STRIP2: variants seen among roughly 807,000 people sequenced by gnomAD.
STRIP2 encodes the protein striatin interacting protein 2, also known as striatin-interacting protein 2.
A neutral mutation model predicts 107.1 loss-of-function variants in STRIP2; 84 were observed. The observed-to-expected ratio is 0.78, with a 90% CI of 0.66 to 0.94. The LOEUF (loss-of-function observed/expected upper bound fraction) is 0.94, where lower values mean the gene tolerates loss of function less well. STRIP2 is among the 40% of genes least tolerant of loss of function. The pLI is 0.00. For missense variants in STRIP2, 888 were observed against 1,034.2 expected, an observed-to-expected ratio of 0.86 and a Z score of 1.94; for synonymous variants, 394 against 400.4, an observed-to-expected ratio of 0.98 and a Z score of 0.19.
chr7:129,456,676 C>A (rs776851632), intron 9 of STRIP2, 34 bp downstream of exon 9: 3 of 1,571,610 alleles, frequency 1.9e-6, no homozygotes, highest in Admixed American at 1.7e-5. Context: ...TATTGGGACA[C>A]CGACTGGCCA....
At position 129,451,723 on chromosome 7, in the gene STRIP2, C is replaced by T. The variant is rs753138026; in HGVS notation, c.385C>T (p.Arg129Trp). Residue 129 changes from arginine to tryptophan, a missense_variant, in exon 4 of 21, where the codon CGG (arginine) becomes TGG (tryptophan). By Grantham distance (101) the Arg-to-Trp change is moderately radical (BLOSUM62 -3). Coordinates refer to ENST00000249344, the MANE Select transcript of STRIP2 (RefSeq NM_020704.3). ...VSRERRLKVA[R>W]AVLYLAQGTF... ...TAGGGAACGGCGGCTGAAGGTGGCC[C>T]GGGCTGTTCTCTACCTGGCCCAAGG... The T allele has an allele frequency of 4.2e-5, 68 of 1,613,702 alleles. No homozygotes were observed. The highest frequency in any genetic ancestry group is 1.7e-4 in the Middle Eastern group (1 of 5,888).
chr7:129,440,110 A>G lies in STRIP2; in HGVS notation c.199+19A>G. On this transcript the variant is annotated intron_variant, in intron 2 of 20. Coordinates refer to ENST00000249344, the MANE Select transcript of STRIP2 (RefSeq NM_020704.3). ...TTGTCAGGTATGAGGTAGATGGGTCAGTAGCTAGTGGAAGAATGGCCAGGA... is the reference window on the plus strand; with the variant it reads ...TTGTCAGGTATGAGGTAGATGGGTCGGTAGCTAGTGGAAGAATGGCCAGGA... 6.2e-7 allele frequency: 1 copy of G among 1,609,462 alleles called. No individual in the cohort carries two copies. The highest frequency in any genetic ancestry group is 1.1e-5 in the South Asian group (1 of 90,984).
In STRIP2 at chr7:129,458,284, G is replaced by C. The variant is rs73721736; in HGVS notation, c.1108G>C (p.Ala370Pro). ...GGATCTCTTCAAGACTGAGGAGCCC[G>C]CCACAGAGGAGGAAGAGGAGTCTGC... ...ERDLFKTEEP[A>P]TEEEEESAGD... is the part of the protein sequence containing the mutation. Residue 370 changes from alanine to proline, a missense_variant, in exon 10 of 21, where the codon GCC becomes CCC. Ala to Pro is a conservative substitution (Grantham distance 27, BLOSUM62 -1). Coordinates refer to ENST00000249344, the MANE Select transcript of STRIP2 (RefSeq NM_020704.3). The surrounding 1 kb of genome is among the most constrained non-coding windows in gnomAD (Gnocchi z 4.6). 2 of 1,614,204 alleles carry C rather than the reference G, an allele frequency of 1.2e-6. No homozygotes were observed. The highest frequency in any genetic ancestry group is 2.2e-5 in the South Asian group (2 of 91,082).
At chr7:129,470,795 C>A in intron 18 of STRIP2, 80 bp downstream of exon 18, 1 of 1,120,500 alleles carries the variant, frequency 8.9e-7, no homozygotes, top group Non-Finnish European at 1.4e-6. Context: ...TCTTCTCCAA[C>A]CCCTTAATGC....
At chr7:129,463,834 C>T (rs1798604685) in intron 14 of STRIP2, among the ~76,000 whole-genome samples, 1 of 152,204 alleles carries the variant, frequency 6.6e-6, no homozygotes. Context: ...CCAATGCACT[C>T]CCTCTGGCTT....
Position 129,458,530 on chromosome 7 carries a change from C to A in STRIP2, c.1274+80C>A. The stretch of plus-strand genomic sequence containing the variant: ...CCCAAGATGGGGTAGTCTATGTATT[C>A]AAGGCTCGTTAAGTTGGTCTGGCAG... On this transcript the variant is annotated intron_variant, in intron 10 of 20. Transcript: ENST00000249344. This position sits in a 1 kb window ranked among gnomAD's most constrained non-coding sequence, Gnocchi z 4.6. 7.5e-7 allele frequency: 1 copy of A among 1,331,696 alleles called. No homozygotes were observed. The highest frequency in any genetic ancestry group is 1.0e-6 in the Non-Finnish European group (1 of 975,144). The allele number at this position is 1,331,696 out of a possible 1,614,324, so 82.5% of individuals were successfully genotyped here. A position where few individuals can be genotyped will look rare whatever the true frequency, so the allele number is the denominator to read the frequency against.
chr7:129,462,920 G>T, intron 13 of STRIP2, 46 bp from the exon 14 acceptor site: 1 of 1,555,586 alleles, frequency 6.4e-7, no homozygotes, highest in Non-Finnish European at 8.8e-7. Context: ...AAAGCCTTTG[G>T]TCACCTGGAA....
chr7:129,474,449 G>A (rs559849286), intron 18 of STRIP2, among the ~76,000 whole-genome samples: 2 of 152,300 alleles, frequency 1.3e-5, no homozygotes, highest in South Asian at 4.1e-4. Context: ...TTACAGGTGT[G>A]AGCCACAATG....
In STRIP2 at chr7:129,483,301, A is replaced by G; in HGVS notation, c.2254+255A>G. On this transcript the variant is annotated intron_variant, in intron 20 of 20. Coordinates refer to ENST00000249344, the MANE Select transcript of STRIP2 (RefSeq NM_020704.3). This position sits in a 1 kb window ranked among gnomAD's most constrained non-coding sequence, Gnocchi z 5.1. ...TTGAGAGATAATTAATTGCCTTTCC[A>G]AAACATTCTTTTAAATGACAGCTTT... 1 of 1,212,954 alleles carries G rather than the reference A, an allele frequency of 8.2e-7. No homozygotes were observed. Among genetic ancestry groups the G allele is most frequent in the South Asian group, 3.6e-5 (1 of 27,450 alleles). 75.1% of individuals were successfully genotyped at this position (1,212,954 alleles called of 1,614,324 possible).
At position 129,458,074 on chromosome 7, in the gene STRIP2, G is replaced by A; in HGVS notation, c.1039-141G>A. 2.7e-6 allele frequency: 2 copies of A among 731,474 alleles called. No individual in the cohort carries two copies. Among genetic ancestry groups the A allele is most frequent in the South Asian group, 3.0e-5 (2 of 66,568 alleles). The allele number at this position is 731,474 out of a possible 1,614,324, so 45.3% of individuals were successfully genotyped here. On this transcript the variant is annotated intron_variant, in intron 9 of 20. Transcript: ENST00000249344. This position sits in a 1 kb window ranked among gnomAD's most constrained non-coding sequence, Gnocchi z 4.6. ...CGGGTGGGGACAGTAGGTTAAGGTG[G>A]GGAATTGGATGTTTTCGCAAGGGCT...
At chr7:129,463,110 G>A in intron 14 of STRIP2, 70 bp downstream of exon 14, 2 of 1,309,652 alleles carry the variant, frequency 1.5e-6, no homozygotes, top group Admixed American at 3.9e-5. Context: ...ACCATTTCAA[G>A]TGGACCTGTC....
At chr7:129,469,671 C>T (rs550170824) in intron 17 of STRIP2, among the ~76,000 whole-genome samples, 3 of 152,364 alleles carry the variant, frequency 2.0e-5, no homozygotes, top group East Asian at 1.9e-4. Flanking sequence ...CTTCTCCTCT[C>T]CTACCCTGGT....
intron 20 of STRIP2, 152 bp from the exon 21 acceptor site, chr7:129,485,427 G>A: frequency 1.3e-6 from 1 of 783,872 alleles, no homozygotes; most frequent in South Asian, 1.9e-5. Context: ...TCAGCATGCT[G>A]TATACTAACT....
intron 18 of STRIP2, among the ~76,000 whole-genome samples, chr7:129,474,740 G>C (rs189921113): frequency 6.6e-6 from 1 of 152,004 alleles, no homozygotes; most frequent in East Asian, 1.9e-4. Flanking sequence ...TTGAACTCCT[G>C]ACCACAAATG....
Position 129,485,741 on chromosome 7 carries a change from A to T in STRIP2, c.2417A>T (p.Glu806Val), listed in dbSNP as rs1036562397. Residue 806 changes from glutamate to valine, a missense_variant, in exon 21 of 21, where the codon GAA becomes GTA. Transcript: ENST00000249344. ...SVLGQRLDLP[E>V]DFHYSYELWL... ...CTGGGGCAGAGGTTGGATCTGCCTG[A>T]AGATTTCCACTATTCATATGAGCTC... The T allele has an allele frequency of 6.2e-7, 1 of 1,614,072 alleles. No individual in the cohort carries two copies. The highest frequency in any genetic ancestry group is 8.5e-7 in the Non-Finnish European group (1 of 1,180,042).
At chr7:129,482,170 AAAAAT>A (rs1042845583) in intron 19 of STRIP2, among the ~76,000 whole-genome samples, 3 of 152,080 alleles carry the variant, frequency 2.0e-5, no homozygotes, top group African/African-American at 4.8e-5. Flanking sequence ...AACAAAACAA[AAAAAT>A]AAAAGTAATA....
Position 129,482,890 on chromosome 7 carries a change from G to A in STRIP2, c.2098G>A (p.Val700Ile). The A allele has an allele frequency of 6.2e-7, 1 of 1,614,086 alleles. No individual in the cohort carries two copies. The highest frequency in any genetic ancestry group is 1.1e-5 in the South Asian group (1 of 91,078). The change falls in exon 20 of 21, where the codon GTC (valine) becomes ATC (isoleucine). Residue 700 changes from valine to isoleucine, a missense_variant. Val to Ile is a conservative substitution (Grantham distance 29). Coordinates refer to ENST00000249344, the MANE Select transcript of STRIP2 (RefSeq NM_020704.3). Reference sequence around the variant, plus strand: ...ACCAATCTTAAAGCGGGCCCTCAAGGTCAAACAGGCCATGCTGCAACTTTA... The same window carrying A: ...ACCAATCTTAAAGCGGGCCCTCAAGATCAAACAGGCCATGCTGCAACTTTA... ...SAPILKRALKVKQAMLQLYVL... is the reference protein window; with the variant it reads ...SAPILKRALKIKQAMLQLYVL...
intron 3 of STRIP2, among the ~76,000 whole-genome samples, chr7:129,447,113 T>C (rs983761919): frequency 6.6e-6 from 1 of 152,192 alleles, no homozygotes; most frequent in Admixed American, 6.5e-5. Context: ...TCAAGCACCA[T>C]TGGATCTGCT....
intron 1 of STRIP2, among the ~76,000 whole-genome samples, chr7:129,439,425 G>A (rs2150985746): frequency 6.6e-6 from 1 of 152,294 alleles, no homozygotes. Context: ...TAAGTTAGAA[G>A]ATGGGATTAT....
Sources: allele counts gnomAD v4.1 joint callset (sites outside exome capture counted in the v4.1 genomes callset), GRCh38; gene constraint gnomAD v4.1.1; non-coding constraint Gnocchi (gnomAD v3.1); transcripts MANE v1.5; gene names NCBI Gene and HGNC (gene_info 2026-07-23, HGNC 2026-07-21).